The following FAM53B variants were observed in gnomAD, a reference collection of about 807,000 sequenced individuals.
FAM53B encodes protein FAM53B.
Under a neutral mutation model 32.7 loss-of-function variants are expected in FAM53B, and 12 were observed. That is an observed-to-expected ratio of 0.37 (90% CI 0.24 to 0.59). The LOEUF is 0.59. FAM53B is among the 20% of genes least tolerant of loss of function. The pLI is 0.72. For missense variants in FAM53B, 477 were observed against 577.7 expected (o/e 0.83, Z 1.79); for synonymous variants, 234 against 228.7 (o/e 1.02, Z -0.21).
chr10:124,658,847 G>A (rs1011351616), intron 4 of FAM53B, among the ~76,000 whole-genome samples: 5 of 152,176 alleles, frequency 3.3e-5, no homozygotes, highest in Non-Finnish European at 5.9e-5. Flanking sequence ...CAGCCTGCTG[G>A]TCCTCAAACC....
chr10:124,725,698 A>G (rs1950097341), intron 1 of FAM53B, among the ~76,000 whole-genome samples: 1 of 152,240 alleles, frequency 6.6e-6, no homozygotes, highest in South Asian at 2.1e-4. Flanking sequence ...CGAGATGGAC[A>G]GTGGATGGTG....
At chr10:124,655,340 G>C (rs550215277) in intron 4 of FAM53B, among the ~76,000 whole-genome samples, 31 of 152,198 alleles carry the variant, frequency 2.0e-4, no homozygotes, top group Non-Finnish European at 3.2e-4. Flanking sequence ...CAGGTGTCAG[G>C]ACCTGCTGGC....
intron 4 of FAM53B, among the ~76,000 whole-genome samples, chr10:124,654,863 T>C (rs1949577900): frequency 6.6e-6 from 1 of 152,188 alleles, no homozygotes; most frequent in Non-Finnish European, 1.5e-5. Context: ...CCTGTCTGTG[T>C]CTGGTCTAAG....
chr10:124,623,446 G>T lies in FAM53B; in HGVS notation c.1065C>A (p.Val355=), dbSNP rs773209154. The change falls in exon 5 of 5, where the codon GTC becomes GTA. Residue 355 remains valine, a synonymous_variant. Transcript: ENST00000337318. Reference sequence around the variant, plus strand: ...CGAAGGAAGGGGGAAGAGGCTCAGGGACCGGGGTCCCAGCGGGGGTCCTGC... The same window carrying T: ...CGAAGGAAGGGGGAAGAGGCTCAGGTACCGGGGTCCCAGCGGGGGTCCTGC... ...PGGRTPAGTP[V]PEPLPPSFDD... 18 of 1,594,874 alleles carry T rather than the reference G, an allele frequency of 1.1e-5. No homozygotes were observed. Among genetic ancestry groups the T allele is most frequent in the Admixed American group, 1.8e-5 (1 of 56,742 alleles).
intron 4 of FAM53B, among the ~76,000 whole-genome samples, chr10:124,675,602 G>A (rs1240600269): frequency 6.6e-6 from 1 of 152,202 alleles, no homozygotes; most frequent in Non-Finnish European, 1.5e-5. Flanking sequence ...CAGACATGAG[G>A]CCTGGGGCAC....
At position 124,627,309 on chromosome 10, in the gene FAM53B, C is replaced by G. The variant is rs146683329; in HGVS notation, c.907-3705G>C. ...TGCCCTCCATGCCCCGGGGCAAGGT[C>G]CCGCCCCAGAGTCTCCTAGCAGCTC... On this transcript the variant is annotated intron_variant, in intron 4 of 4. Transcript: ENST00000337318. Among the ~76,000 whole-genome samples, 1,272 of 152,318 alleles carry G rather than the reference C, an allele frequency of 8.4e-3. 14 individuals are homozygous for G. The highest frequency in any genetic ancestry group is 0.011 in the Non-Finnish European group (754 of 68,020).
intron 2 of FAM53B, among the ~76,000 whole-genome samples, chr10:124,700,670 C>G (rs1037344297): frequency 1.3e-5 from 2 of 152,216 alleles, no homozygotes; most frequent in African/African-American, 2.4e-5. Context: ...AAGAAAGCAG[C>G]CCTGGCTTAA....
intron 4 of FAM53B, among the ~76,000 whole-genome samples, chr10:124,644,620 A>C (rs986675643): frequency 9.2e-5 from 14 of 152,194 alleles, no homozygotes; most frequent in Non-Finnish European, 1.8e-4. Flanking sequence ...TGTACCACTC[A>C]AAGGGTTTTG....
At chr10:124,725,612 G>GTT (rs34575735) in intron 1 of FAM53B, among the ~76,000 whole-genome samples, 1 of 152,206 alleles carries the variant, frequency 6.6e-6, no homozygotes, top group Non-Finnish European at 1.5e-5. Context: ...ACCTATCTGG[G>GTT]AAACCAAAAG....
At chr10:124,700,420 G>C (rs1233000693) in intron 2 of FAM53B, among the ~76,000 whole-genome samples, 4 of 152,194 alleles carry the variant, frequency 2.6e-5, no homozygotes, top group Non-Finnish European at 5.9e-5. Flanking sequence ...AAGACACTCA[G>C]TGTCTGCACT....
intron 1 of FAM53B, chr10:124,742,980 A>G (rs1950208123): frequency 6.6e-6 from 1 of 152,210 alleles, no homozygotes; most frequent in Non-Finnish European, 1.5e-5. Flanking sequence ...CGTGTTAATG[A>G]GCCCGGGCGG....
chr10:124,650,079 C>A (rs1949546718), intron 4 of FAM53B, among the ~76,000 whole-genome samples: 1 of 152,172 alleles, frequency 6.6e-6, no homozygotes, highest in Non-Finnish European at 1.5e-5. Context: ...AAGCTGGCGA[C>A]AGGTACAGAT....
At chr10:124,675,429 C>T (rs542408330) in intron 4 of FAM53B, among the ~76,000 whole-genome samples, 4 of 152,116 alleles carry the variant, frequency 2.6e-5, no homozygotes, top group Non-Finnish European at 5.9e-5. Context: ...GGGTGTGGGG[C>T]GAGCTACCAT....
At chr10:124,644,493 T>C (rs527237335) in intron 4 of FAM53B, among the ~76,000 whole-genome samples, 1 of 152,312 alleles carries the variant, frequency 6.6e-6, no homozygotes, top group East Asian at 1.9e-4. Context: ...AATGAAGATG[T>C]GGGTGGCAAC....
chr10:124,625,993 C>T (rs1339130980), intron 4 of FAM53B, among the ~76,000 whole-genome samples: 1 of 152,194 alleles, frequency 6.6e-6, no homozygotes, highest in Admixed American at 6.5e-5. Flanking sequence ...CCAGTCAAGG[C>T]CAGAGCAGCC....
rs1421157040 is a variant in FAM53B at position 124,693,631 on chromosome 10, G to A, written c.133+2527C>T. ...GCTCCTGACTGCTGACACCCGCTCC[G>A]CTCCAGCAAGCGCAGGAAAGGGATA... On this transcript the variant is annotated intron_variant, in intron 3 of 4. Coordinates refer to ENST00000337318, the MANE Select transcript of FAM53B (RefSeq NM_014661.4). Among the ~76,000 whole-genome samples the A allele has an allele frequency of 1.2e-4, 18 of 152,214 alleles. 1 individual carries two copies. In the East Asian group the frequency reaches 3.3e-3, roughly 28 times the overall value.
chr10:124,743,568 C>A (rs1950212772), intron 1 of FAM53B, among the ~76,000 whole-genome samples: 2 of 152,316 alleles, frequency 1.3e-5, no homozygotes, highest in East Asian at 1.9e-4. Flanking sequence ...GCAAACGATG[C>A]GGGAACTTCG....
intron 1 of FAM53B, among the ~76,000 whole-genome samples, chr10:124,729,932 T>A (rs1950130108): frequency 6.6e-6 from 1 of 152,170 alleles, no homozygotes; most frequent in African/African-American, 2.4e-5. Context: ...AGATTCCTAT[T>A]CAGAGCATTT....
chr10:124,663,791 G>A (rs1294102515), intron 4 of FAM53B, among the ~76,000 whole-genome samples: 1 of 151,832 alleles, frequency 6.6e-6, no homozygotes, highest in African/African-American at 2.4e-5. Context: ...GTTCCAGGGC[G>A]CCTACCAGCA....
Sources: gnomAD v4.1 joint callset for allele counts (sites outside exome capture counted in the v4.1 genomes callset) on GRCh38, gnomAD v4.1.1 for gene constraint, MANE v1.5 for transcripts, NCBI Gene and HGNC (gene_info 2026-07-23, HGNC 2026-07-21) for gene names.